PRMT8: variants seen among roughly 807,000 people sequenced by gnomAD.
The protein encoded by PRMT8 is protein arginine N-methyltransferase 8.
PRMT8 carries 7 observed loss-of-function variants against 47.1 expected under a neutral mutation model. That is an observed-to-expected ratio of 0.15 (90% confidence interval 0.08 to 0.28). PRMT8 has a LOEUF of 0.28. Among genes scored for constraint, PRMT8 ranks in the 10% least tolerant of loss-of-function variants. The pLI, the probability that PRMT8 is intolerant of heterozygous loss-of-function variation, is 1.00. For missense variants in PRMT8, 237 were observed against 505.4 expected (o/e 0.47, Z 5.09); for synonymous variants, 188 against 186.5 (o/e 1.01, Z -0.07).
chr12:3,571,109 T>G (rs1016582264), intron 6 of PRMT8, among the ~76,000 whole-genome samples: 2 of 152,220 alleles, frequency 1.3e-5, no homozygotes, highest in Non-Finnish European at 2.9e-5. Context: ...TGACAGTTCT[T>G]GGTCCTATAA....
intron 1 of PRMT8, among the ~76,000 whole-genome samples, chr12:3,472,631 C>G (rs17696767): frequency 0.27 from 41,506 of 152,152 alleles, 6,180 homozygotes; most frequent in Non-Finnish European, 0.33. Flanking sequence ...AGCACAGGGC[C>G]TGACCCAGTA....
At chr12:3,425,165 G>A (rs1159683740) in intron 1 of PRMT8, among the ~76,000 whole-genome samples, 2 of 152,222 alleles carry the variant, frequency 1.3e-5, no homozygotes, top group African/African-American at 2.4e-5. Context: ...AACTTCGATG[G>A]TTATGTGGGA....
intron 4 of PRMT8, among the ~76,000 whole-genome samples, chr12:3,563,173 TAAGG>T (rs1866664972): frequency 6.6e-6 from 1 of 151,906 alleles, no homozygotes; most frequent in Non-Finnish European, 1.5e-5. Context: ...AGCCACTGCC[TAAGG>T]GAGGAGAGAA....
intron 1 of PRMT8, among the ~76,000 whole-genome samples, chr12:3,474,793 G>A (rs549566587): frequency 4.9e-4 from 74 of 152,246 alleles, no homozygotes; most frequent in African/African-American, 1.6e-3. Context: ...CCCCTTGCAC[G>A]GAATCTCCTC....
At chr12:3,509,126 T>G (rs1865673277) in intron 1 of PRMT8, among the ~76,000 whole-genome samples, 1 of 152,202 alleles carries the variant, frequency 6.6e-6, no homozygotes, top group Non-Finnish European at 1.5e-5. Context: ...GAAACCTGAT[T>G]ATGCTTCTCC....
intron 1 of PRMT8, among the ~76,000 whole-genome samples, chr12:3,390,564 T>C (rs560184969): frequency 3.9e-4 from 59 of 152,250 alleles, no homozygotes; most frequent in Non-Finnish European, 7.9e-4. Flanking sequence ...GTAGCTACCA[T>C]TACGATTCCT....
intron 1 of PRMT8, among the ~76,000 whole-genome samples, chr12:3,512,407 G>A (rs1483028782): frequency 6.6e-6 from 1 of 152,094 alleles, no homozygotes; most frequent in South Asian, 2.1e-4. Flanking sequence ...GTGTTTTGCA[G>A]GCACTTTAAA....
intron 1 of PRMT8, among the ~76,000 whole-genome samples, chr12:3,496,564 TC>T (rs1865513731): frequency 6.6e-6 from 1 of 152,094 alleles, no homozygotes; most frequent in South Asian, 2.1e-4. Context: ...GAGACAGACT[TC>T]CTGGTTTTCA....
chr12:3,493,650 C>A lies in PRMT8; in HGVS notation c.75+1950C>A, dbSNP rs983368291. Among the ~76,000 whole-genome samples the A allele has an allele frequency of 2.6e-5, 4 of 152,354 alleles. No homozygotes were observed. The highest frequency in any genetic ancestry group is 2.0e-4 in the Admixed American group (3 of 15,308). On this transcript the variant is annotated intron_variant, in intron 1 of 9. Transcript: ENST00000382622. The surrounding 1 kb of genome is among the most constrained non-coding windows in gnomAD (Gnocchi z 8.2). Reference sequence around the variant, plus strand: ...GAGGGTTAAAGGCGTCCGGAGCAGGCAGAGCGCCGCGCGCCAGTCTATTTT... The same window carrying A: ...GAGGGTTAAAGGCGTCCGGAGCAGGAAGAGCGCCGCGCGCCAGTCTATTTT...
chr12:3,464,436 T>C (rs1565414178), intron 1 of PRMT8, among the ~76,000 whole-genome samples: 1 of 152,242 alleles, frequency 6.6e-6, no homozygotes, highest in East Asian at 1.9e-4. Context: ...GTTTATATTC[T>C]TTTGAGAAAA....
At chr12:3,407,676 A>C (rs1864386733) in intron 1 of PRMT8, among the ~76,000 whole-genome samples, 1 of 152,040 alleles carries the variant, frequency 6.6e-6, no homozygotes, top group African/African-American at 2.4e-5. Context: ...AGACTTGGGA[A>C]TTTTTCAGCA....
At chr12:3,579,707 A>G (rs940376285) in intron 7 of PRMT8, among the ~76,000 whole-genome samples, 6 of 152,298 alleles carry the variant, frequency 3.9e-5, no homozygotes, top group South Asian at 2.1e-4. Flanking sequence ...TTCTTCACAC[A>G]CTTAATTGCT....
Position 3,491,316 on chromosome 12 carries a change from G to A in PRMT8, c.-310G>A, listed in dbSNP as rs1038036819. ...CGACCGCCGCCGCCGCCGCCGCGGAGGCTTCGGGGCTGCTTCCCTCGAGCT... is the reference window on the plus strand; with the variant it reads ...CGACCGCCGCCGCCGCCGCCGCGGAAGCTTCGGGGCTGCTTCCCTCGAGCT... On this transcript the variant is annotated 5_prime_UTR_variant, in exon 1 of 10. Coordinates refer to ENST00000382622, the MANE Select transcript of PRMT8 (RefSeq NM_019854.5). 6.4e-6 allele frequency: 7 copies of A among 1,086,546 alleles called. No homozygotes were observed. In the Admixed American group the frequency reaches 2.5e-4, roughly 40 times the overall value. The allele number at this position is 1,086,546 out of a possible 1,614,324, so 67.3% of individuals were successfully genotyped here.
chr12:3,427,985 G>GT (rs1380850399), intron 1 of PRMT8, among the ~76,000 whole-genome samples: 1 of 152,130 alleles, frequency 6.6e-6, no homozygotes, highest in Non-Finnish European at 1.5e-5. Flanking sequence ...TGAAAACTTT[G>GT]TAAGTTTGAG....
At chr12:3,574,302 G>A (rs1250562460) in intron 6 of PRMT8, among the ~76,000 whole-genome samples, 1 of 152,240 alleles carries the variant, frequency 6.6e-6, no homozygotes, top group Non-Finnish European at 1.5e-5. Context: ...AGACAGTAAA[G>A]ATCATGTACC....
intron 1 of PRMT8, among the ~76,000 whole-genome samples, chr12:3,466,571 A>G (rs1185484552): frequency 6.6e-6 from 1 of 152,216 alleles, no homozygotes; most frequent in African/African-American, 2.4e-5. Flanking sequence ...CTGGCTTCCA[A>G]TAAGTATGAC....
intron 1 of PRMT8, among the ~76,000 whole-genome samples, chr12:3,432,145 G>A (rs902728161): frequency 1.3e-5 from 2 of 152,208 alleles, no homozygotes; most frequent in Admixed American, 6.5e-5. Context: ...GATCAGAGGG[G>A]GTTTGGGCAG....
At chr12:3,561,569 G>T (rs1323888139) in intron 4 of PRMT8, among the ~76,000 whole-genome samples, 1 of 152,164 alleles carries the variant, frequency 6.6e-6, no homozygotes, top group African/African-American at 2.4e-5. Flanking sequence ...CGGTGAGGGT[G>T]GAAGCTCCTA....
intron 1 of PRMT8, among the ~76,000 whole-genome samples, chr12:3,532,610 T>TC (rs1382089725): frequency 3.4e-5 from 1 of 29,254 alleles, no homozygotes; most frequent in African/African-American, 1.5e-4. Context: ...AGACTCCGTC[T>TC]CAAAAAAAAA....
Sources: allele counts gnomAD v4.1 joint callset (sites outside exome capture counted in the v4.1 genomes callset), GRCh38; gene constraint gnomAD v4.1.1; non-coding constraint Gnocchi (gnomAD v3.1); transcripts MANE v1.5; gene names NCBI Gene and HGNC (gene_info 2026-07-23, HGNC 2026-07-21).